The following NCOA2 variants were observed in gnomAD, a reference collection of about 807,000 sequenced individuals.
NCOA2 encodes class E basic helix-loop-helix protein 75.
Under a neutral mutation model 145.1 loss-of-function variants are expected in NCOA2, and 21 were observed. The observed-to-expected ratio is 0.14, with a 90% confidence interval of 0.10 to 0.21. The LOEUF is 0.21. Among genes scored for constraint, NCOA2 ranks in the 10% least tolerant of loss-of-function variants. NCOA2 has a pLI of 1.00. For missense variants in NCOA2, 1,472 were observed against 1,837.6 expected (o/e 0.80, Z 3.64); for synonymous variants, 619 against 637.5 (o/e 0.97, Z 0.44).
Position 70,232,316 on chromosome 8 carries a change from A to G in NCOA2, c.-19-15552T>C, listed in dbSNP as rs190699753. Among the ~76,000 whole-genome samples, 664 of 152,246 alleles carry G rather than the reference A, an allele frequency of 4.4e-3. 6 individuals are homozygous for G. Among genetic ancestry groups the G allele is most frequent in the Non-Finnish European group, 4.1e-3 (280 of 68,026 alleles). ...TTCATTCCCAAGTCTTTCCACCATA[A>G]GGGGAAGCTGAGCACTGATGGAGAA... On this transcript the variant is annotated intron_variant, in intron 2 of 22. Transcript: ENST00000452400.
intron 4 of NCOA2, among the ~76,000 whole-genome samples, chr8:70,188,634 T>A (rs1318177772): frequency 6.6e-6 from 1 of 152,100 alleles, no homozygotes; most frequent in Non-Finnish European, 1.5e-5. Flanking sequence ...CTAGCTTAAA[T>A]AATTTAATTG....
At chr8:70,322,435 G>A (rs1213895144) in intron 1 of NCOA2, among the ~76,000 whole-genome samples, 1 of 152,054 alleles carries the variant, frequency 6.6e-6, no homozygotes, top group Non-Finnish European at 1.5e-5. Context: ...ACCAATTATT[G>A]TATGATCATA....
intron 15 of NCOA2, among the ~76,000 whole-genome samples, chr8:70,137,097 C>T (rs190360005): frequency 4.6e-5 from 7 of 152,300 alleles, no homozygotes; most frequent in African/African-American, 1.2e-4. Flanking sequence ...TGGAGTGCAA[C>T]GGTGCGGTCT....
At chr8:70,270,581 T>G (rs1028234800) in intron 2 of NCOA2, among the ~76,000 whole-genome samples, 1 of 152,076 alleles carries the variant, frequency 6.6e-6, no homozygotes, top group Admixed American at 6.5e-5. Context: ...GGTGGGGGGA[T>G]AGCAGGTAGG....
chr8:70,339,163 C>T (rs1807898988), intron 1 of NCOA2, among the ~76,000 whole-genome samples: 1 of 152,102 alleles, frequency 6.6e-6, no homozygotes, highest in Non-Finnish European at 1.5e-5. Context: ...TTGAAGACAG[C>T]ATGATCCAGC....
At chr8:70,400,308 A>G (rs899020909) in intron 1 of NCOA2, among the ~76,000 whole-genome samples, 2 of 152,212 alleles carry the variant, frequency 1.3e-5, no homozygotes, top group Admixed American at 6.5e-5. Flanking sequence ...AAGGAAGCTC[A>G]GATCCAGTCT....
chr8:70,211,989 CAT>C (rs1819078743), intron 4 of NCOA2, among the ~76,000 whole-genome samples: 1 of 151,054 alleles, frequency 6.6e-6, no homozygotes, highest in Non-Finnish European at 1.5e-5. Context: ...CACATCTGAA[CAT>C]GTTTTATGGT....
chr8:70,305,131 C>T (rs1827793844), intron 1 of NCOA2, among the ~76,000 whole-genome samples: 1 of 147,036 alleles, frequency 6.8e-6, no homozygotes, highest in Non-Finnish European at 1.5e-5. Context: ...AAGTGATCTT[C>T]CCACCTAGGC....
the NCOA2 span, among the ~76,000 whole-genome samples, chr8:70,439,847 G>C: frequency 1.3e-5 from 2 of 152,182 alleles, no homozygotes; most frequent in African/African-American, 4.8e-5. Flanking sequence ...CTGTCAGAGG[G>C]CCTGCCGTGT....
At chr8:70,130,927 T>C (rs578022927) in intron 16 of NCOA2, among the ~76,000 whole-genome samples, 21 of 152,378 alleles carry the variant, frequency 1.4e-4, no homozygotes, top group Non-Finnish European at 2.5e-4. Flanking sequence ...GATAGTGTTT[T>C]GTTCTTTCAA....
intron 2 of NCOA2, among the ~76,000 whole-genome samples, chr8:70,254,172 C>A (rs1283806258): frequency 6.6e-6 from 1 of 152,134 alleles, no homozygotes; most frequent in East Asian, 1.9e-4. Context: ...TAGGGAAATG[C>A]AAATAAGAAG....
chr8:70,263,311 C>T (rs1281547522), intron 2 of NCOA2, among the ~76,000 whole-genome samples: 6 of 150,808 alleles, frequency 4.0e-5, no homozygotes, highest in East Asian at 2.0e-4. Context: ...CATCACAATG[C>T]CCAGAACCGT....
At chr8:70,301,934 A>G (rs1448023673) in intron 1 of NCOA2, among the ~76,000 whole-genome samples, 2 of 152,162 alleles carry the variant, frequency 1.3e-5, no homozygotes, top group Admixed American at 6.5e-5. Flanking sequence ...AGATTTTTCA[A>G]TAGTTCCAGC....
intron 1 of NCOA2, among the ~76,000 whole-genome samples, chr8:70,316,435 C>T (rs770175004): frequency 5.3e-5 from 8 of 152,208 alleles, no homozygotes; most frequent in Admixed American, 2.6e-4. Flanking sequence ...CCCGATAGAA[C>T]TCTCTAAAAC....
intron 2 of NCOA2, among the ~76,000 whole-genome samples, chr8:70,294,524 A>T (rs551908992): frequency 6.6e-6 from 1 of 152,334 alleles, no homozygotes; most frequent in South Asian, 2.1e-4. Context: ...ATTACATTTC[A>T]AATGAGTCGT....
chr8:70,415,304 G>A, the NCOA2 span, among the ~76,000 whole-genome samples: 69 of 150,446 alleles, frequency 4.6e-4, no homozygotes, highest in Middle Eastern at 3.4e-3. Flanking sequence ...ACTCCAGCCC[G>A]GGTGACAGAG....
chr8:70,256,774 G>A (rs922474486), intron 2 of NCOA2, among the ~76,000 whole-genome samples: 2 of 152,094 alleles, frequency 1.3e-5, no homozygotes, highest in Non-Finnish European at 2.9e-5. Flanking sequence ...TAAAGTAAAT[G>A]GGTTAGGATT....
chr8:70,370,205 ACAC>A (rs1811088429), intron 1 of NCOA2, among the ~76,000 whole-genome samples: 3 of 152,140 alleles, frequency 2.0e-5, no homozygotes, highest in Non-Finnish European at 4.4e-5. Flanking sequence ...ATATTTAAAA[ACAC>A]GCAAAGAAAA....
At chr8:70,167,371 C>T (rs1029244865) in intron 6 of NCOA2, among the ~76,000 whole-genome samples, 11 of 152,158 alleles carry the variant, frequency 7.2e-5, no homozygotes, top group Admixed American at 5.9e-4. Flanking sequence ...TCCACCATAC[C>T]GGGCCCGCAT....
Sources: gnomAD v4.1 joint callset for allele counts (sites outside exome capture counted in the v4.1 genomes callset) on GRCh38, gnomAD v4.1.1 for gene constraint, MANE v1.5 for transcripts, NCBI Gene and HGNC (gene_info 2026-07-23, HGNC 2026-07-21) for gene names.